Variants in NFATC2 observed in about 807,000 individuals in gnomAD.
The protein encoded by NFATC2 is nuclear factor of activated T-cells, cytoplasmic 2.
A neutral mutation model predicts 87.3 loss-of-function variants in NFATC2; 22 were observed. That is an observed-to-expected ratio of 0.25 (90% confidence interval 0.18 to 0.36). The LOEUF is 0.36. Among genes scored for constraint, NFATC2 ranks in the 10% least tolerant of loss-of-function variants. NFATC2 has a pLI of 1.00. For missense variants in NFATC2, 1,149 were observed against 1,259.1 expected, an observed-to-expected ratio of 0.91 and a Z score of 1.32; for synonymous variants, 565 against 542.2, an observed-to-expected ratio of 1.04 and a Z score of -0.58.
At chr20:51,535,684 A>G (rs539973951) in intron 1 of NFATC2, among the ~76,000 whole-genome samples, 5 of 152,356 alleles carry the variant, frequency 3.3e-5, no homozygotes, top group African/African-American at 9.6e-5. Flanking sequence ...AGGATTATAC[A>G]GGTAAACAGC....
chr20:51,459,356 C>T (rs745409792), intron 5 of NFATC2, among the ~76,000 whole-genome samples: 6 of 152,228 alleles, frequency 3.9e-5, no homozygotes, highest in African/African-American at 7.2e-5. Flanking sequence ...AACAGGCAAA[C>T]GCAGAGAGAC....
At chr20:51,525,196 G>A (rs2076524018) in intron 1 of NFATC2, among the ~76,000 whole-genome samples, 1 of 152,114 alleles carries the variant, frequency 6.6e-6, no homozygotes, top group Non-Finnish European at 1.5e-5. Flanking sequence ...TGCCGGCCTG[G>A]GTGATAGAGT....
rs1415998597 is a variant in NFATC2 at position 51,520,103 on chromosome 20, T to C, written c.1160+2978A>G. On this transcript the variant is annotated intron_variant, in intron 2 of 10. Coordinates refer to ENST00000371564, the MANE Select transcript of NFATC2 (RefSeq NM_012340.5). ...CAAAGACCACATCGGCTGGCACAGG[T>C]TGGTACTTGTGAGGAACTAAAGGAC... 2.6e-5 allele frequency among the ~76,000 whole-genome samples: 4 copies of C among 152,080 alleles called. No homozygotes were observed. In the East Asian group the frequency reaches 7.7e-4, roughly 29 times the overall value.
chr20:51,406,925 C>A lies in NFATC2; in HGVS notation c.2723-8195G>T, dbSNP rs78565508. Among the ~76,000 whole-genome samples the A allele has an allele frequency of 8.2e-3, 1,252 of 152,322 alleles. 21 individuals carry two copies. The highest frequency in any genetic ancestry group is 0.029 in the African/African-American group (1,191 of 41,574). On this transcript the variant is annotated intron_variant, in intron 9 of 10. Transcript: ENST00000371564. ...TTCCATCTTGATTGACTCTCCCTAG[C>A]TGCCTGCCAGCACCCACCCACTGTC...
chr20:51,520,568 A>T (rs1160456032), intron 2 of NFATC2, among the ~76,000 whole-genome samples: 1 of 152,036 alleles, frequency 6.6e-6, no homozygotes, highest in African/African-American at 2.4e-5. Context: ...AACGAAGGGT[A>T]AAAAGAGAAG....
intron 10 of NFATC2, among the ~76,000 whole-genome samples, chr20:51,395,301 G>C (rs1986894663): frequency 6.7e-6 from 1 of 149,256 alleles, no homozygotes; most frequent in African/African-American, 2.6e-5. Flanking sequence ...TTTGAACTCA[G>C]AGCCTATTTA....
At chr20:51,434,306 C>T (rs1007654497) in intron 8 of NFATC2, among the ~76,000 whole-genome samples, 3 of 152,138 alleles carry the variant, frequency 2.0e-5, no homozygotes, top group African/African-American at 7.2e-5. Flanking sequence ...CCCAGAGGCT[C>T]CCTGAGAAAC....
intron 1 of NFATC2, among the ~76,000 whole-genome samples, chr20:51,527,315 G>A (rs1168292181): frequency 6.6e-6 from 1 of 152,026 alleles, no homozygotes; most frequent in African/African-American, 2.4e-5. Context: ...TTCTCCACAG[G>A]ACTAAAGCCC....
intron 3 of NFATC2, among the ~76,000 whole-genome samples, chr20:51,483,890 C>A (rs952958649): frequency 5.3e-5 from 8 of 151,714 alleles, no homozygotes; most frequent in African/African-American, 1.7e-4. Context: ...TCCTTACCCA[C>A]CCCTCTCCCT....
At chr20:51,547,476 T>G (rs1418107287), upstream of NFATC2, among the ~76,000 whole-genome samples, 1 of 152,120 alleles carries the variant, frequency 6.6e-6, no homozygotes, top group Non-Finnish European at 1.5e-5. Context: ...CCAGGCTGCT[T>G]CAAGATGGCC....
chr20:51,540,654 T>TTTTTTTG (rs1374594659), intron 1 of NFATC2, among the ~76,000 whole-genome samples: 1,864 of 131,134 alleles, frequency 0.014, 62 homozygotes, highest in African/African-American at 0.042. Context: ...GAAGTTTTTT[T>TTTTTTTG]TTTGTTTTTT....
intron 3 of NFATC2, among the ~76,000 whole-genome samples, chr20:51,477,933 G>A (rs1423012737): frequency 6.6e-6 from 1 of 152,140 alleles, no homozygotes; most frequent in Non-Finnish European, 1.5e-5. Flanking sequence ...CCACATTTCA[G>A]TGCTCAGAAG....
At chr20:51,532,280 TAGC>T (rs1186390192) in intron 1 of NFATC2, among the ~76,000 whole-genome samples, 2 of 152,120 alleles carry the variant, frequency 1.3e-5, no homozygotes, top group Non-Finnish European at 2.9e-5. Context: ...AGCTTCTAAG[TAGC>T]AGAGCCAAGA....
At chr20:51,454,822 C>A (rs1281397722) in intron 5 of NFATC2, 134 bp from the exon 6 acceptor site, 5 of 968,952 alleles carry the variant, frequency 5.2e-6, no homozygotes, top group Admixed American at 2.5e-5. Flanking sequence ...AAATGTGGAA[C>A]CATCACCCCT....
chr20:51,520,198 G>A (rs570903239), intron 2 of NFATC2, among the ~76,000 whole-genome samples: 26 of 152,296 alleles, frequency 1.7e-4, no homozygotes, highest in Non-Finnish European at 2.9e-4. Context: ...CAAAGTGTCC[G>A]ATAAATGTAT....
chr20:51,458,134 C>T (rs1484005275), intron 5 of NFATC2, among the ~76,000 whole-genome samples: 2 of 152,206 alleles, frequency 1.3e-5, no homozygotes, highest in South Asian at 2.1e-4. Context: ...GCCTCGGCCT[C>T]CCGAAGTGTT....
At chr20:51,489,594 G>A (rs1489853939) in intron 3 of NFATC2, among the ~76,000 whole-genome samples, 1 of 152,172 alleles carries the variant, frequency 6.6e-6, no homozygotes, top group African/African-American at 2.4e-5. Flanking sequence ...AAGACAGTAA[G>A]ACAACCATGT....
chr20:51,410,567 A>G (rs1463915543), intron 9 of NFATC2, among the ~76,000 whole-genome samples: 1 of 151,774 alleles, frequency 6.6e-6, no homozygotes, highest in Non-Finnish European at 1.5e-5. Context: ...AAAGAGGGAG[A>G]GAAAGGGAGG....
At chr20:51,489,532 A>G (rs1190831453) in intron 3 of NFATC2, among the ~76,000 whole-genome samples, 1 of 152,240 alleles carries the variant, frequency 6.6e-6, no homozygotes, top group East Asian at 1.9e-4. Context: ...GCCCATCAGC[A>G]TCACATCAAG....
Sources: gnomAD v4.1 joint callset for allele counts (sites outside exome capture counted in the v4.1 genomes callset) on GRCh38, gnomAD v4.1.1 for gene constraint, MANE v1.5 for transcripts, NCBI Gene and HGNC (gene_info 2026-07-23, HGNC 2026-07-21) for gene names.